The following KIF18A variants were observed in gnomAD, a reference collection of about 807,000 sequenced individuals.
KIF18A encodes kinesin family member 18A.
KIF18A carries 67 observed loss-of-function variants against 103.3 expected under a neutral mutation model. The ratio of observed to expected loss-of-function variants is 0.65; its 90% CI spans 0.53 to 0.79. The LOEUF is 0.79. Ranked by LOEUF, KIF18A falls within the 30% of genes least tolerant of loss-of-function variation. KIF18A has a pLI of 0.00. For missense variants in KIF18A, 1,032 were observed against 1,062.5 expected (o/e 0.97, Z 0.40); for synonymous variants, 367 against 355.5 (o/e 1.03, Z -0.36).
Position 28,036,349 on chromosome 11 carries a change from T to G in KIF18A, c.2264A>C (p.His755Pro). 6.2e-7 allele frequency: 1 copy of G among 1,611,214 alleles called. No homozygotes were observed. Among genetic ancestry groups the G allele is most frequent in the Non-Finnish European group, 8.5e-7 (1 of 1,178,098 alleles). Reference sequence around the variant, plus strand: ...CTGTCCACATTCTTTTCTTCTATTATGAGGGATAGCTACTTCACACAACAT... The same window carrying G: ...CTGTCCACATTCTTTTCTTCTATTAGGAGGGATAGCTACTTCACACAACAT... Reference protein sequence around the residue: ...LKMLCEVAIPHNRRKECGQED... With the variant: ...LKMLCEVAIPPNRRKECGQED... The change falls in exon 14 of 17, where the codon CAT (histidine) becomes CCT (proline). Residue 755 changes from histidine (H) to proline (P), a missense_variant. Physicochemically the swap from His to Pro is moderately conservative, Grantham distance 77. Coordinates refer to ENST00000263181, the MANE Select transcript of KIF18A (RefSeq NM_031217.4).
At chr11:28,056,161 G>GC (rs1565077880) in intron 13 of KIF18A, among the ~76,000 whole-genome samples, 4 of 141,582 alleles carry the variant, frequency 2.8e-5, no homozygotes, top group Non-Finnish European at 6.1e-5. Context: ...AACCATCCAT[G>GC]TTTTTTTTTT....
chr11:28,031,535 G>T (rs903466466), intron 15 of KIF18A, among the ~76,000 whole-genome samples: 7 of 152,104 alleles, frequency 4.6e-5, no homozygotes, highest in African/African-American at 1.7e-4. Flanking sequence ...CTGTTGTGGG[G>T]TAGGGGGAGC....
chr11:28,066,469 T>C (rs1464520115), intron 11 of KIF18A, among the ~76,000 whole-genome samples: 1 of 151,994 alleles, frequency 6.6e-6, no homozygotes, highest in Non-Finnish European at 1.5e-5. Flanking sequence ...TATCCTCTGA[T>C]CCTAGCTAAC....
At chr11:28,065,108 G>A (rs939319317) in intron 11 of KIF18A, among the ~76,000 whole-genome samples, 2 of 151,990 alleles carry the variant, frequency 1.3e-5, no homozygotes, top group African/African-American at 4.8e-5. Context: ...TAGCAGCAGA[G>A]GGGCATAAAG....
Position 28,071,413 on chromosome 11 carries a change from T to C in KIF18A, c.1426-1990A>G, listed in dbSNP as rs1590694795. On this transcript the variant is annotated intron_variant, in intron 10 of 16. Transcript: ENST00000263181. ...TTCACTATTTTTGAGAAAATAAAAT[T>C]ATTTATGTAACCACACATAATTTTT... is the stretch of plus-strand genomic sequence containing the variant. Among the ~76,000 whole-genome samples, 3 of 151,210 alleles carry C rather than the reference T, an allele frequency of 2.0e-5. No homozygotes were observed. In the South Asian group the frequency reaches 6.2e-4, roughly 31 times the overall value.
chr11:28,065,983 C>T (rs1850916599), intron 11 of KIF18A, among the ~76,000 whole-genome samples: 1 of 151,926 alleles, frequency 6.6e-6, no homozygotes, highest in African/African-American at 2.4e-5. Flanking sequence ...TTACTACACA[C>T]AAAAAATTGT....
At chr11:28,075,484 T>C (rs1324227349) in intron 10 of KIF18A, among the ~76,000 whole-genome samples, 1 of 152,138 alleles carries the variant, frequency 6.6e-6, no homozygotes, top group East Asian at 1.9e-4. Context: ...ATCAATAAGG[T>C]GAGTTTTTAA....
chr11:28,107,795 T>C (rs1018004850), intron 1 of KIF18A, among the ~76,000 whole-genome samples: 3 of 152,170 alleles, frequency 2.0e-5, no homozygotes, highest in Non-Finnish European at 4.4e-5. Flanking sequence ...AGATGCCCTT[T>C]AAAACTTAAG....
chr11:28,068,506 G>C (rs1488285588), intron 11 of KIF18A, among the ~76,000 whole-genome samples: 1 of 148,828 alleles, frequency 6.7e-6, no homozygotes, highest in Non-Finnish European at 1.5e-5. Context: ...AATCTTTTCA[G>C]AGTGTCTTCT....
In KIF18A at chr11:28,021,305, C is replaced by T. The variant is rs199851554; in HGVS notation, c.2615-23G>A. On this transcript the variant is annotated intron_variant, in intron 16 of 16. Transcript: ENST00000263181. ...GTTCTAGAGAAGAAATAAAAAGATG[C>T]ATAAATATGGCATAAATATCATTCA... The T allele has an allele frequency of 1.0e-4, 137 of 1,356,414 alleles. 1 individual carries two copies. In the African/African-American group the frequency reaches 1.7e-3, roughly 17 times the overall value. The allele number at this position is 1,356,414 out of a possible 1,614,324, so 84.0% of individuals were successfully genotyped here.
chr11:28,056,161 G>GTT lies in KIF18A; in HGVS notation c.1948+2763_1948+2764dup, dbSNP rs11389722. ...GTTCAGTACAGATGAAACCATCCAT[G>GTT]TTTTTTTTTTTTTTGATTAGTTGGT... On this transcript the variant is annotated intron_variant, in intron 13 of 16. Coordinates refer to ENST00000263181, the MANE Select transcript of KIF18A (RefSeq NM_031217.4). 1.9e-3 allele frequency among the ~76,000 whole-genome samples: 275 copies of GTT among 141,540 alleles called. 2 individuals carry two copies. Among genetic ancestry groups the GTT allele is most frequent in the East Asian group, 6.2e-3 (30 of 4,858 alleles). The allele number at this position is 141,540 out of a possible 152,430, so 92.9% of individuals were successfully genotyped here.
chr11:28,022,787 C>A (rs1220697574), intron 16 of KIF18A, among the ~76,000 whole-genome samples: 1 of 152,108 alleles, frequency 6.6e-6, no homozygotes, highest in East Asian at 1.9e-4. Context: ...GCTTCAATTT[C>A]CATTGAACTT....
chr11:28,103,611 T>C (rs1295738632), intron 1 of KIF18A, among the ~76,000 whole-genome samples: 1 of 152,144 alleles, frequency 6.6e-6, no homozygotes, highest in Non-Finnish European at 1.5e-5. Flanking sequence ...TTTTACTTTA[T>C]ATCCCTATTC....
At position 28,024,191 on chromosome 11, in the gene KIF18A, T is replaced by TAAAAAAAA. The variant is rs60587483; in HGVS notation, c.2505-349_2505-342dup. ...TCAGTAGCACATAGTCACAAGAGGT[T>TAAAAAAAA]AAAAAAAAAAAAAAAAAAAACTAAG... is the stretch of plus-strand genomic sequence containing the variant. On this transcript the variant is annotated intron_variant, in intron 15 of 16. Transcript: ENST00000263181. 3.6e-5 allele frequency among the ~76,000 whole-genome samples: 4 copies of TAAAAAAAA among 111,042 alleles called. 1 individual carries two copies. Among genetic ancestry groups the TAAAAAAAA allele is most frequent in the Non-Finnish European group, 5.6e-5 (3 of 53,696 alleles). The allele number at this position is 111,042 out of a possible 152,430, so 72.8% of individuals were successfully genotyped here.
chr11:28,053,924 T>TA (rs34579022), intron 13 of KIF18A, among the ~76,000 whole-genome samples: 249 of 138,648 alleles, frequency 1.8e-3, no homozygotes, highest in Non-Finnish European at 2.6e-3. Context: ...CTGGTGAGGC[T>TA]AAAAAAAAAA....
At chr11:28,084,866 A>G in intron 6 of KIF18A, 58 bp from the exon 7 acceptor site, 1 of 1,371,134 alleles carries the variant, frequency 7.3e-7, no homozygotes, top group Non-Finnish European at 1.0e-6. Flanking sequence ...CAAACCTGCT[A>G]CCACTTTAGC....
chr11:28,089,678 C>T (rs148051205), intron 5 of KIF18A, among the ~76,000 whole-genome samples: 209 of 152,226 alleles, frequency 1.4e-3, no homozygotes, highest in African/African-American at 4.6e-3. Flanking sequence ...TGTCGTTATG[C>T]GGCACATGAC....
At chr11:28,056,638 T>A (rs1463293334) in intron 13 of KIF18A, among the ~76,000 whole-genome samples, 1 of 151,716 alleles carries the variant, frequency 6.6e-6, no homozygotes. Flanking sequence ...AAAAATAAAG[T>A]CAACTAGGCA....
chr11:28,051,279 TA>T (rs529255802), intron 13 of KIF18A, among the ~76,000 whole-genome samples: 67 of 151,614 alleles, frequency 4.4e-4, no homozygotes, highest in African/African-American at 1.5e-3. Flanking sequence ...GCATACTATA[TA>T]AAAAAAACTA....
Sources: gnomAD v4.1 joint callset for allele counts (sites outside exome capture counted in the v4.1 genomes callset) on GRCh38, gnomAD v4.1.1 for gene constraint, MANE v1.5 for transcripts, NCBI Gene and HGNC (gene_info 2026-07-23, HGNC 2026-07-21) for gene names.